Variants in PKNOX1 observed in about 807,000 individuals in gnomAD.
PKNOX1 encodes the protein PBX/knotted 1 homeobox 1.
A neutral mutation model predicts 51.9 loss-of-function variants in PKNOX1; 15 were observed. The ratio of observed to expected loss-of-function variants is 0.29; its 90% CI spans 0.19 to 0.45. PKNOX1 has a LOEUF of 0.45. PKNOX1 is among the 20% of genes least tolerant of loss of function. The probability of loss-of-function intolerance (pLI) is 1.00; values close to 1 mark genes in which losing one functional copy is unlikely to be tolerated. For missense variants in PKNOX1, 462 were observed against 547.5 expected (o/e 0.84, Z 1.56); for synonymous variants, 219 against 211.1 (o/e 1.04, Z -0.32).
chr21:43,016,511 T>C (rs191588011), intron 5 of PKNOX1, among the ~76,000 whole-genome samples: 1 of 152,212 alleles, frequency 6.6e-6, no homozygotes, highest in Non-Finnish European at 1.5e-5. Context: ...TCTTGAATGC[T>C]CTTATCGGTC....
At chr21:43,011,954 C>T (rs982925113) in intron 4 of PKNOX1, among the ~76,000 whole-genome samples, 1 of 152,112 alleles carries the variant, frequency 6.6e-6, no homozygotes, top group Non-Finnish European at 1.5e-5. Context: ...CCTGGCTTGG[C>T]CCAGTGAGTA....
intron 4 of PKNOX1, among the ~76,000 whole-genome samples, chr21:43,011,667 T>G (rs1243192356): frequency 6.6e-6 from 1 of 152,212 alleles, no homozygotes; most frequent in South Asian, 2.1e-4. Context: ...CGAGCCATCT[T>G]GGTCCCATAT....
At chr21:43,002,068 G>A (rs1978784154) in intron 1 of PKNOX1, among the ~76,000 whole-genome samples, 1 of 152,144 alleles carries the variant, frequency 6.6e-6, no homozygotes. Flanking sequence ...ATGTTGCCCA[G>A]GCTGATCTTG....
intron 1 of PKNOX1, among the ~76,000 whole-genome samples, chr21:42,987,618 CTTTT>C (rs34065433): frequency 8.8e-6 from 1 of 113,150 alleles, no homozygotes. Flanking sequence ...ATGGTTTCTA[CTTTT>C]TTTTTTTTTT....
intron 3 of PKNOX1, among the ~76,000 whole-genome samples, chr21:43,008,063 A>T (rs1788475): frequency 0.19 from 4,263 of 22,678 alleles, 84 homozygotes; most frequent in Middle Eastern, 0.32. Flanking sequence ...AAACTCTGTC[A>T]CACACACACA....
intron 1 of PKNOX1, among the ~76,000 whole-genome samples, chr21:42,986,807 C>T (rs1221331046): frequency 6.6e-6 from 1 of 152,038 alleles, no homozygotes; most frequent in African/African-American, 2.4e-5. Flanking sequence ...TGTCTTCAGT[C>T]GTTTTCTGGC....
chr21:42,981,309 CAA>C (rs2059024263), intron 1 of PKNOX1, among the ~76,000 whole-genome samples: 1 of 152,242 alleles, frequency 6.6e-6, no homozygotes, highest in African/African-American at 2.4e-5. Flanking sequence ...TGACAGTGTG[CAA>C]AGTCTGGAGC....
chr21:42,975,526 C>T (rs142723198), intron 1 of PKNOX1, among the ~76,000 whole-genome samples: 1 of 152,224 alleles, frequency 6.6e-6, no homozygotes, highest in Non-Finnish European at 1.5e-5. Context: ...TGAGGGAAAT[C>T]GTGTCACTTA....
At chr21:42,987,199 T>C (rs2059056274) in intron 1 of PKNOX1, among the ~76,000 whole-genome samples, 1 of 151,142 alleles carries the variant, frequency 6.6e-6, no homozygotes, top group African/African-American at 2.4e-5. Flanking sequence ...CTGACCAACA[T>C]GGAGAAACTC....
chr21:43,018,148 A>G lies in PKNOX1; in HGVS notation c.638A>G (p.Gln213Arg). The change falls in exon 7 of 11, where the codon CAG becomes CGG. Residue 213 changes from glutamine (Q) to arginine (R), a missense_variant. By Grantham distance (43) the Gln-to-Arg change is conservative. This residue lies in a region of PKNOX1 where 126 missense variants were observed against 128.1 expected (regional missense o/e 0.98). Transcript: ENST00000291547. ...MATVAGGTVY[Q>R]PVTVVTPQGQ... ...CCCTTTCGAGGTGGCACAGTGTATCAGCCTGTCACGGTCGTCACTCCCCAA... is the reference window on the plus strand; with the variant it reads ...CCCTTTCGAGGTGGCACAGTGTATCGGCCTGTCACGGTCGTCACTCCCCAA... 1 of 1,609,176 alleles carries G rather than the reference A, an allele frequency of 6.2e-7. No individual in the cohort carries two copies. The highest frequency in any genetic ancestry group is 8.5e-7 in the Non-Finnish European group (1 of 1,176,206).
At chr21:42,977,268 C>A (rs1476573946) in intron 1 of PKNOX1, among the ~76,000 whole-genome samples, 1 of 152,212 alleles carries the variant, frequency 6.6e-6, no homozygotes, top group African/African-American at 2.4e-5. Context: ...TTGCCCCTAA[C>A]AAGAGAGCCA....
chr21:43,015,283 G>A (rs538899395), intron 5 of PKNOX1, among the ~76,000 whole-genome samples: 48 of 152,310 alleles, frequency 3.2e-4, no homozygotes, highest in Middle Eastern at 6.8e-3. Flanking sequence ...TTTTTTCTGA[G>A]AGATTTTATT....
chr21:42,975,059 G>GGGGGCT (rs3044488), intron 1 of PKNOX1, among the ~76,000 whole-genome samples: 5 of 143,492 alleles, frequency 3.5e-5, no homozygotes, highest in East Asian at 2.0e-4. Context: ...GGGCGGGGGC[G>GGGGGCT]CGCGGAGCCC....
intron 1 of PKNOX1, among the ~76,000 whole-genome samples, chr21:42,981,298 G>A (rs1271370815): frequency 5.9e-5 from 9 of 152,250 alleles, no homozygotes; most frequent in Non-Finnish European, 1.3e-4. Flanking sequence ...TGCCCTGCTC[G>A]TGACAGTGTG....
At chr21:42,989,225 C>T (rs1452121518) in intron 1 of PKNOX1, among the ~76,000 whole-genome samples, 6 of 151,956 alleles carry the variant, frequency 3.9e-5, no homozygotes, top group African/African-American at 1.2e-4. Flanking sequence ...GCAATATTCC[C>T]GCCTCGGGCT....
intron 1 of PKNOX1, among the ~76,000 whole-genome samples, chr21:42,983,896 C>T (rs897059338): frequency 4.6e-5 from 7 of 152,064 alleles, no homozygotes; most frequent in Admixed American, 3.3e-4. Flanking sequence ...TAATAGCAGC[C>T]ATCCTAATGG....
At chr21:42,984,065 CGTGTGTGCGT>C (rs1568887287) in intron 1 of PKNOX1, among the ~76,000 whole-genome samples, 4 of 99,192 alleles carry the variant, frequency 4.0e-5, no homozygotes, top group African/African-American at 1.2e-4. Flanking sequence ...TACATGCATA[CGTGTGTGCGT>C]GTGTGTGCGT....
At position 43,026,892 on chromosome 21, in the gene PKNOX1, C is replaced by T. The variant is rs1056882481; in HGVS notation, c.927-1810C>T. On this transcript the variant is annotated intron_variant, in intron 9 of 10. Transcript: ENST00000291547. ...CCTCTAAATGAAGCATGGCGGGATC[C>T]GATCTGCTTCATTATTATTAGACTG... Among the ~76,000 whole-genome samples, 36 of 152,178 alleles carry T rather than the reference C, an allele frequency of 2.4e-4. No homozygotes were observed. In the East Asian group the frequency reaches 3.3e-3, roughly 14 times the overall value.
intron 1 of PKNOX1, among the ~76,000 whole-genome samples, chr21:42,979,478 G>A (rs191619822): frequency 6.0e-4 from 91 of 152,112 alleles, no homozygotes; most frequent in African/African-American, 2.1e-3. Context: ...CGCAGTGGCT[G>A]ACGCCTGTAA....
Sources: gnomAD v4.1 joint callset for allele counts (sites outside exome capture counted in the v4.1 genomes callset) on GRCh38, gnomAD v4.1.1 for gene constraint, gnomAD v4.1.1 regional missense constraint, MANE v1.5 for transcripts, NCBI Gene and HGNC (gene_info 2026-07-23, HGNC 2026-07-21) for gene names.